The following GM2A variants were observed in gnomAD, a reference collection of about 807,000 sequenced individuals.
The protein encoded by GM2A is ganglioside GM2 activator.
A neutral mutation model predicts 12.9 loss-of-function variants in GM2A; 7 were observed. The ratio of observed to expected loss-of-function variants is 0.54; its 90% CI spans 0.31 to 1.02. GM2A has a LOEUF of 1.02. Ranked by LOEUF, GM2A falls within the 50% of genes least tolerant of loss-of-function variation. GM2A has a pLI of 0.05. For synonymous variants in GM2A, 101 were observed against 96.0 expected, an observed-to-expected ratio of 1.05 and a Z score of -0.30; for missense variants, 246 against 241.0, an observed-to-expected ratio of 1.02 and a Z score of -0.14.
intron 1 of GM2A, among the ~76,000 whole-genome samples, chr5:151,255,404 C>G (rs1753667422): frequency 6.6e-6 from 1 of 152,196 alleles, no homozygotes; most frequent in South Asian, 2.1e-4. Flanking sequence ...TAGGTCCAAC[C>G]CTGATCCCCT....
Position 151,270,387 on chromosome 5 carries a change from C to A in GM2A, c.*2936C>A, listed in dbSNP as rs1753986063. Reference sequence around the variant, plus strand: ...ATAATAAAAATGCTTAGTAAAAACACAATAAAATCAAATGACTGGGAGAAA... The same window carrying A: ...ATAATAAAAATGCTTAGTAAAAACAAAATAAAATCAAATGACTGGGAGAAA... On this transcript the variant is annotated 3_prime_UTR_variant, in exon 4 of 4. Transcript: ENST00000357164. The A allele has an allele frequency of 2.5e-6, 1 of 398,488 alleles. No individual in the cohort carries two copies. Among genetic ancestry groups the A allele is most frequent in the Admixed American group, 4.4e-5 (1 of 22,720 alleles). The allele number at this position is 398,488 out of a possible 1,614,324, so 24.7% of individuals were successfully genotyped here.
chr5:151,270,347 T>C lies in GM2A; in HGVS notation c.*2896T>C, dbSNP rs143342609. ...CCAGTGGCAACAAAATATTGACACA[T>C]TTGACTACATGAAGATAATAAAAAT... On this transcript the variant is annotated 3_prime_UTR_variant, in exon 4 of 4. Transcript: ENST00000357164. The C allele has an allele frequency of 2.5e-5, 10 of 398,870 alleles. No homozygotes were observed. The Admixed American group carries it at 2.6e-4, about 11-fold the overall frequency. The allele number at this position is 398,870 out of a possible 1,614,324, so 24.7% of individuals were successfully genotyped here. A position where few individuals can be genotyped will look rare whatever the true frequency, so the allele number is the denominator to read the frequency against.
chr5:151,253,429 T>TA (rs1275687431), intron 1 of GM2A, 132 bp downstream of exon 1: 2 of 715,188 alleles, frequency 2.8e-6, no homozygotes, highest in African/African-American at 3.5e-5. Flanking sequence ...CCTTCCAAAG[T>TA]AACTAATTAT....
chr5:151,254,049 T>A (rs1753639434), intron 1 of GM2A, among the ~76,000 whole-genome samples: 1 of 152,232 alleles, frequency 6.6e-6, no homozygotes, highest in African/African-American at 2.4e-5. Flanking sequence ...GGCTGAATAG[T>A]ATTCTGTTGT....
intron 1 of GM2A, among the ~76,000 whole-genome samples, chr5:151,256,567 C>T (rs58078145): frequency 0.11 from 15,849 of 146,742 alleles, 920 homozygotes; most frequent in Middle Eastern, 0.14. Flanking sequence ...GATCACGCTG[C>T]TGCACTCCAG....
chr5:151,262,507 A>G (rs1753815621), intron 2 of GM2A, among the ~76,000 whole-genome samples: 1 of 152,204 alleles, frequency 6.6e-6, no homozygotes, highest in African/African-American at 2.4e-5. Context: ...GAACATTTCG[A>G]TTAGTATCTG....
At chr5:151,257,422 C>T (rs1026942219) in intron 1 of GM2A, among the ~76,000 whole-genome samples, 2 of 152,150 alleles carry the variant, frequency 1.3e-5, no homozygotes, top group Non-Finnish European at 2.9e-5. Context: ...ACCCCCACCC[C>T]CAGCCCAGAA....
chr5:151,267,709 G>C lies in GM2A; in HGVS notation c.*258G>C. 2.1e-6 allele frequency: 3 copies of C among 1,400,652 alleles called. No homozygotes were observed. The highest frequency in any genetic ancestry group is 9.4e-7 in the Non-Finnish European group (1 of 1,064,356). 86.8% of individuals were successfully genotyped at this position (1,400,652 alleles called of 1,614,324 possible). A position where few individuals can be genotyped will look rare whatever the true frequency, so the allele number is the denominator to read the frequency against. On this transcript the variant is annotated 3_prime_UTR_variant, in exon 4 of 4. Coordinates refer to ENST00000357164, the MANE Select transcript of GM2A (RefSeq NM_000405.5). ...TGGGCTGACCACGTTACTCATCCCC[G>C]TTAACATTCTCTCTAAAGAGCCTCG...
At position 151,266,826 on chromosome 5, in the gene GM2A, T is replaced by C. The variant is rs202019098; in HGVS notation, c.339T>C (p.Asp113=). The change falls in exon 3 of 4, where the codon GAT becomes GAC. Residue 113 remains aspartate, a synonymous_variant. Transcript: ENST00000357164. ...GCTGTACCTTTGAACACTTCTGTGA[T>C]GTGCTTGACATGTTAATTCCTACTG... is the stretch of plus-strand genomic sequence containing the variant. ...IGSCTFEHFC[D]VLDMLIPTGE... The C allele has an allele frequency of 3.7e-6, 6 of 1,613,920 alleles. No homozygotes were observed. Among genetic ancestry groups the C allele is most frequent in the Non-Finnish European group, 4.2e-6 (5 of 1,179,768 alleles).
At chr5:151,264,308 G>C (rs191126352) in intron 2 of GM2A, among the ~76,000 whole-genome samples, 11 of 152,320 alleles carry the variant, frequency 7.2e-5, no homozygotes, top group Non-Finnish European at 7.4e-5. Flanking sequence ...TGCTGCCTTA[G>C]AACCCTCTGT....
chr5:151,260,611 C>G (rs1406279245), intron 2 of GM2A, among the ~76,000 whole-genome samples: 1 of 152,190 alleles, frequency 6.6e-6, no homozygotes, highest in Non-Finnish European at 1.5e-5. Context: ...GAGTGAAACT[C>G]TGTCCCAAAA....
chr5:151,270,093 C>T lies in GM2A; in HGVS notation c.*2642C>T, dbSNP rs534955137. 188 of 1,231,088 alleles carry T rather than the reference C, an allele frequency of 1.5e-4. No individual in the cohort carries two copies. The African/African-American group carries it at 2.2e-3, about 14-fold the overall frequency. The allele number at this position is 1,231,088 out of a possible 1,614,324, so 76.3% of individuals were successfully genotyped here. A position where few individuals can be genotyped will look rare whatever the true frequency, so the allele number is the denominator to read the frequency against. On this transcript the variant is annotated 3_prime_UTR_variant, in exon 4 of 4. Coordinates refer to ENST00000357164, the MANE Select transcript of GM2A (RefSeq NM_000405.5). ...TGCTCTGCTCTTGGGTCATATGTTC[C>T]GTGAGGTTTCTTAGGGGTGGGGGAT... is the stretch of plus-strand genomic sequence containing the variant.
In GM2A at chr5:151,268,793, A is replaced by G; in HGVS notation, c.*1342A>G. ...TAATTATTTTTTTAAAAAGCTGTGC[A>G]GTGTGATGTGTCCCAAACGGACTGG... On this transcript the variant is annotated 3_prime_UTR_variant, in exon 4 of 4. Transcript: ENST00000357164. The G allele has an allele frequency of 1.3e-6, 1 of 752,744 alleles. No individual in the cohort carries two copies. Among genetic ancestry groups the G allele is most frequent in the Non-Finnish European group, 1.6e-6 (1 of 617,706 alleles). 46.6% of individuals were successfully genotyped at this position (752,744 alleles called of 1,614,324 possible). A position where few individuals can be genotyped will look rare whatever the true frequency, so the allele number is the denominator to read the frequency against.
intron 1 of GM2A, among the ~76,000 whole-genome samples, chr5:151,257,656 T>C (rs1473083253): frequency 2.0e-5 from 3 of 152,298 alleles, no homozygotes; most frequent in African/African-American, 2.4e-5. Flanking sequence ...TTATAGCTTG[T>C]GGGGTCCTGC....
intron 2 of GM2A, among the ~76,000 whole-genome samples, chr5:151,260,312 A>G (rs1269726973): frequency 6.6e-6 from 1 of 152,278 alleles, no homozygotes; most frequent in African/African-American, 2.4e-5. Context: ...AGAAAACACA[A>G]GTGGTCAAAA....
intron 1 of GM2A, among the ~76,000 whole-genome samples, chr5:151,254,827 A>G (rs1448959619): frequency 6.6e-6 from 1 of 152,234 alleles, no homozygotes; most frequent in Non-Finnish European, 1.5e-5. Flanking sequence ...GAAAAACAGT[A>G]TGGATACTAA....
intron 2 of GM2A, among the ~76,000 whole-genome samples, chr5:151,261,260 A>G (rs1293008652): frequency 6.6e-6 from 1 of 151,900 alleles, no homozygotes; most frequent in Non-Finnish European, 1.5e-5. Flanking sequence ...CCTGAGTTCA[A>G]GCAATCCTCC....
intron 1 of GM2A, among the ~76,000 whole-genome samples, chr5:151,257,370 G>T (rs1320436655): frequency 6.6e-6 from 1 of 152,026 alleles, no homozygotes; most frequent in Non-Finnish European, 1.5e-5. Flanking sequence ...GAGCTTAGGA[G>T]AGGGGAAGGG....
At position 151,268,086 on chromosome 5, in the gene GM2A, G is replaced by A; in HGVS notation, c.*635G>A. The A allele has an allele frequency of 1.0e-6, 1 of 994,066 alleles. No individual in the cohort carries two copies. The highest frequency in any genetic ancestry group is 1.2e-6 in the Non-Finnish European group (1 of 834,748). 61.6% of individuals were successfully genotyped at this position (994,066 alleles called of 1,614,324 possible). A position where few individuals can be genotyped will look rare whatever the true frequency, so the allele number is the denominator to read the frequency against. On this transcript the variant is annotated 3_prime_UTR_variant, in exon 4 of 4. Transcript: ENST00000357164. ...GTTTACAAACTCAGGTACCCGCAGG[G>A]CCTAGCAAGAGACTTAAATGACTGA...
Sources: allele counts gnomAD v4.1 joint callset (sites outside exome capture counted in the v4.1 genomes callset), GRCh38; gene constraint gnomAD v4.1.1; transcripts MANE v1.5; gene names NCBI Gene and HGNC (gene_info 2026-07-23, HGNC 2026-07-21).